The following RBFOX1 variants were observed in gnomAD, a reference collection of about 807,000 sequenced individuals.
The protein encoded by RBFOX1 is RNA binding protein fox-1 homolog 1.
Under a neutral mutation model 57.7 loss-of-function variants are expected in RBFOX1, and 8 were observed. That is an observed-to-expected ratio of 0.14 (90% confidence interval 0.08 to 0.25). The LOEUF is 0.25. RBFOX1 is among the 10% of genes least tolerant of loss of function. RBFOX1 has a pLI of 1.00. For missense variants in RBFOX1, 611 were observed against 548.5 expected (o/e 1.11, Z -1.14); for synonymous variants, 326 against 222.4 (o/e 1.47, Z -4.15).
chr16:6,757,135 A>G (rs1038020379), intron 3 of RBFOX1, among the ~76,000 whole-genome samples: 1 of 152,240 alleles, frequency 6.6e-6, no homozygotes, highest in Non-Finnish European at 1.5e-5. Flanking sequence ...TATTATCAAA[A>G]AGATAAAAAA....
At chr16:7,115,860 A>C (rs2065795676) in intron 4 of RBFOX1, among the ~76,000 whole-genome samples, 1 of 152,232 alleles carries the variant, frequency 6.6e-6, no homozygotes, top group South Asian at 2.1e-4. Context: ...ACATTTATTA[A>C]ATGCCTACGC....
intron 3 of RBFOX1, among the ~76,000 whole-genome samples, chr16:5,697,327 A>T (rs997198631): frequency 2.0e-5 from 3 of 151,644 alleles, no homozygotes; most frequent in African/African-American, 7.3e-5. Flanking sequence ...TATATAGGAA[A>T]AGTATATAAT....
At chr16:7,544,488 G>A (rs560138778) in intron 5 of RBFOX1, among the ~76,000 whole-genome samples, 2 of 152,292 alleles carry the variant, frequency 1.3e-5, no homozygotes, top group South Asian at 2.1e-4. Context: ...TGTTGTCCTT[G>A]TAAGAAAACC....
chr16:5,248,127 C>T (rs567930657), intron 1 of RBFOX1, among the ~76,000 whole-genome samples: 61 of 152,186 alleles, frequency 4.0e-4, no homozygotes, highest in Admixed American at 3.1e-3. Flanking sequence ...GCTGTCTTGG[C>T]GCTGCCACTC....
Position 6,193,402 on chromosome 16 carries a change from A to ATAC in RBFOX1, c.-126-123591_-126-123590insCTA, listed in dbSNP as rs1309919002. Among the ~76,000 whole-genome samples the ATAC allele has an allele frequency of 6.4e-3, 623 of 97,338 alleles. 4 individuals carry two copies. Among genetic ancestry groups the ATAC allele is most frequent in the African/African-American group, 0.018 (402 of 22,560 alleles). The allele number at this position is 97,338 out of a possible 152,430, so 63.9% of individuals were successfully genotyped here. ...CATTATATATATATACTATATATAT[A>ATAC]TATATATATATATATATATATATAA... On this transcript the variant is annotated intron_variant, in intron 1 of 15. Coordinates refer to ENST00000550418, the MANE Select transcript of RBFOX1 (RefSeq NM_018723.4).
chr16:7,555,076 A>G lies in RBFOX1; in HGVS notation c.271-24701A>G, dbSNP rs139190221. On this transcript the variant is annotated intron_variant, in intron 5 of 15. Coordinates refer to ENST00000550418, the MANE Select transcript of RBFOX1 (RefSeq NM_018723.4). ...ATAAATCGGATAAAGGGTATTTGCT[A>G]TTGTTGTGAGTAGGGTAAGGGGGGG... Among the ~76,000 whole-genome samples the G allele has an allele frequency of 3.2e-3, 489 of 152,260 alleles. 5 individuals carry two copies. The highest frequency in any genetic ancestry group is 0.011 in the African/African-American group (467 of 41,542).
intron 3 of RBFOX1, among the ~76,000 whole-genome samples, chr16:6,756,974 TCAAA>T (rs1363590140): frequency 4.4e-5 from 5 of 112,994 alleles, no homozygotes; most frequent in South Asian, 3.6e-4. Context: ...AAACTCCATC[TCAAA>T]CAAACAGACA....
intron 3 of RBFOX1, among the ~76,000 whole-genome samples, chr16:5,751,160 G>A (rs1304196637): frequency 2.0e-5 from 3 of 152,126 alleles, no homozygotes; most frequent in Non-Finnish European, 4.4e-5. Flanking sequence ...TCTGCTTTCT[G>A]TTCAATCCAG....
chr16:7,291,249 A>T (rs1668050691), intron 4 of RBFOX1, among the ~76,000 whole-genome samples: 1 of 152,154 alleles, frequency 6.6e-6, no homozygotes, highest in South Asian at 2.1e-4. Flanking sequence ...GGGGTCATTG[A>T]TGCCCTTTGA....
chr16:6,412,314 T>C (rs2093484464), intron 2 of RBFOX1, among the ~76,000 whole-genome samples: 1 of 152,168 alleles, frequency 6.6e-6, no homozygotes, highest in South Asian at 2.1e-4. Flanking sequence ...TTTCATGAAC[T>C]CTTTCTGATA....
intron 1 of RBFOX1, among the ~76,000 whole-genome samples, chr16:6,106,788 C>T (rs912567122): frequency 6.6e-6 from 1 of 152,184 alleles, no homozygotes. Context: ...CTGCCTCAGC[C>T]TCCCAAGTAG....
At chr16:5,513,538 C>T (rs575280357) in intron 2 of RBFOX1, among the ~76,000 whole-genome samples, 3 of 152,342 alleles carry the variant, frequency 2.0e-5, no homozygotes, top group African/African-American at 7.2e-5. Flanking sequence ...TCAATATGAG[C>T]AGCTCACATT....
chr16:6,920,960 C>G (rs1031843818), intron 3 of RBFOX1, among the ~76,000 whole-genome samples: 4 of 152,196 alleles, frequency 2.6e-5, no homozygotes, highest in African/African-American at 9.7e-5. Context: ...TAATGACTAT[C>G]AGAGAATGGA....
At chr16:7,447,923 G>A (rs1214364639) in intron 4 of RBFOX1, among the ~76,000 whole-genome samples, 5 of 152,212 alleles carry the variant, frequency 3.3e-5, no homozygotes, top group East Asian at 1.9e-4. Flanking sequence ...AGGCATCTGC[G>A]TTAAATATGT....
chr16:7,366,478 A>T (rs1057406151), intron 4 of RBFOX1, among the ~76,000 whole-genome samples: 2 of 152,122 alleles, frequency 1.3e-5, no homozygotes, highest in African/African-American at 4.8e-5. Flanking sequence ...GTGAATTGAT[A>T]AACCCTCCAG....
chr16:5,645,244 C>A, intron 3 of RBFOX1, among the ~76,000 whole-genome samples: 1 of 140,518 alleles, frequency 7.1e-6, no homozygotes, highest in African/African-American at 2.7e-5. Context: ...AATGAAGTTC[C>A]ATCTCAAAAA....
At chr16:5,284,946 CT>C (rs2063357688) in intron 1 of RBFOX1, among the ~76,000 whole-genome samples, 1 of 151,326 alleles carries the variant, frequency 6.6e-6, no homozygotes, top group Non-Finnish European at 1.5e-5. Context: ...TGGAGAAGAC[CT>C]TTTTGGGTTG....
At chr16:6,545,190 C>A (rs568761000) in intron 2 of RBFOX1, among the ~76,000 whole-genome samples, 1 of 152,288 alleles carries the variant, frequency 6.6e-6, no homozygotes, top group South Asian at 2.1e-4. Flanking sequence ...GGACTACAAG[C>A]CTCCTAACTG....
intron 4 of RBFOX1, among the ~76,000 whole-genome samples, chr16:7,082,665 G>A (rs146122660): frequency 6.6e-6 from 1 of 152,156 alleles, no homozygotes; most frequent in Non-Finnish European, 1.5e-5. Context: ...TAACACAACT[G>A]TTTAATGAAG....
Sources: allele counts gnomAD v4.1 joint callset (sites outside exome capture counted in the v4.1 genomes callset), GRCh38; gene constraint gnomAD v4.1.1; transcripts MANE v1.5; gene names NCBI Gene and HGNC (gene_info 2026-07-23, HGNC 2026-07-21).